KNTC1: variants seen among roughly 807,000 people sequenced by gnomAD.
KNTC1 encodes kinetochore-associated protein 1.
KNTC1 carries 253 observed loss-of-function variants against 314.4 expected under a neutral mutation model. The ratio of observed to expected loss-of-function variants is 0.80; its 90% CI spans 0.73 to 0.89. The LOEUF (loss-of-function observed/expected upper bound fraction) is 0.89, where lower values mean the gene tolerates loss of function less well. KNTC1 is among the 40% of genes least tolerant of loss of function. The pLI is 0.00. For missense variants in KNTC1, 2,475 were observed against 2,572.9 expected (o/e 0.96, Z 0.82); for synonymous variants, 901 against 901.4 (o/e 1.00, Z 0.01).
Position 122,621,966 on chromosome 12 carries a change from A to C in KNTC1, c.6365A>C (p.His2122Pro). Residue 2122 changes from histidine to proline, a missense_variant, in exon 61 of 64, where the codon CAT becomes CCT. Transcript: ENST00000333479. Reference protein sequence around the residue: ...MNTGQLAGFSHQIRSLILNNI... With the variant: ...MNTGQLAGFSPQIRSLILNNI... ...ACGGGCCAGCTAGCAGGATTTTCACATCAAGTAAGAGGCGATTTCATCTCC... is the reference window on the plus strand; with the variant it reads ...ACGGGCCAGCTAGCAGGATTTTCACCTCAAGTAAGAGGCGATTTCATCTCC... 1 of 1,599,870 alleles carries C rather than the reference A, an allele frequency of 6.3e-7. No homozygotes were observed. The highest frequency in any genetic ancestry group is 1.1e-5 in the South Asian group (1 of 88,820).
In KNTC1 at chr12:122,603,253, C is replaced by G. The variant is rs1872181458; in HGVS notation, c.5101+10C>G. 6.8e-7 allele frequency: 1 copy of G among 1,475,624 alleles called. No individual in the cohort carries two copies. Among genetic ancestry groups the G allele is most frequent in the Non-Finnish European group, 9.2e-7 (1 of 1,089,854 alleles). The allele number at this position is 1,475,624 out of a possible 1,614,324, so 91.4% of individuals were successfully genotyped here. A position where few individuals can be genotyped will look rare whatever the true frequency, so the allele number is the denominator to read the frequency against. Reference sequence around the variant, plus strand: ...CAGGATATCCCTGAAGGTATGAGCTCTTCTTTTAAAATTGTAGTTAAAAAA... The same window carrying G: ...CAGGATATCCCTGAAGGTATGAGCTGTTCTTTTAAAATTGTAGTTAAAAAA... On this transcript the variant is annotated intron_variant, in intron 48 of 63. Coordinates refer to ENST00000333479, the MANE Select transcript of KNTC1 (RefSeq NM_014708.6).
At chr12:122,591,481 G>A (rs561624464) in intron 42 of KNTC1, 28 bp downstream of exon 42, 3 of 1,119,576 alleles carry the variant, frequency 2.7e-6, no homozygotes, top group East Asian at 2.3e-5. Context: ...TGCTGTCATC[G>A]ATTCTGTTAA....
chr12:122,617,702 G>A (rs1873918745), intron 57 of KNTC1, among the ~76,000 whole-genome samples: 2 of 152,202 alleles, frequency 1.3e-5, no homozygotes, highest in South Asian at 4.1e-4. Context: ...GAAAGATACA[G>A]TTATGAAGAA....
At chr12:122,563,447 T>C (rs901205906) in intron 20 of KNTC1, among the ~76,000 whole-genome samples, 2 of 152,200 alleles carry the variant, frequency 1.3e-5, no homozygotes, top group Non-Finnish European at 2.9e-5. Context: ...ATACAAAACA[T>C]TGTTTATATT....
intron 59 of KNTC1, among the ~76,000 whole-genome samples, chr12:122,619,040 TTTTTGTTTTTTGTTTTTG>T (rs1367402119): frequency 2.7e-5 from 4 of 146,836 alleles, no homozygotes; most frequent in East Asian, 4.2e-4. Flanking sequence ...TGTTTTTTGT[TTTTTGTTTTTTGTTTTTG>T]TTTTGTTTTT....
rs1253180239 is a variant in KNTC1 at position 122,597,957 on chromosome 12, G to C, written c.4563+19G>C. ...ACATAAGGTAGACACACAGTGAAAT[G>C]AATCGGGTCATCTCAGCCATCCCTC... On this transcript the variant is annotated intron_variant, in intron 44 of 63. Transcript: ENST00000333479. 6 of 1,599,826 alleles carry C rather than the reference G, an allele frequency of 3.8e-6. No individual in the cohort carries two copies. Among genetic ancestry groups the C allele is most frequent in the Non-Finnish European group, 5.1e-6 (6 of 1,167,264 alleles).
At chr12:122,580,554 A>G in intron 32 of KNTC1, 49 bp from the exon 33 acceptor site, 1 of 1,132,358 alleles carries the variant, frequency 8.8e-7, no homozygotes, top group Non-Finnish European at 1.3e-6. Flanking sequence ...AAATTCTGAT[A>G]ATATGAGAAT....
Position 122,545,986 on chromosome 12 carries a change from C to T in KNTC1, c.670-190C>T, listed in dbSNP as rs576627909. ...AAAAAATTGTAATAACCATGAATTC[C>T]AATAGTACACTGTTTTTTTCATTCT... is the stretch of plus-strand genomic sequence containing the variant. On this transcript the variant is annotated intron_variant, in intron 8 of 63. Transcript: ENST00000333479. 2.0e-5 allele frequency among the ~76,000 whole-genome samples: 3 copies of T among 151,514 alleles called. No homozygotes were observed. The South Asian group carries it at 6.3e-4, about 32-fold the overall frequency.
At chr12:122,563,960 A>G (rs1183062991) in intron 20 of KNTC1, among the ~76,000 whole-genome samples, 1 of 152,188 alleles carries the variant, frequency 6.6e-6, no homozygotes, top group Admixed American at 6.5e-5. Flanking sequence ...ATCATTTGGA[A>G]AAACATTATG....
chr12:122,559,789 G>A (rs1963857928), intron 18 of KNTC1, among the ~76,000 whole-genome samples: 2 of 152,132 alleles, frequency 1.3e-5, no homozygotes, highest in Admixed American at 1.3e-4. Context: ...TGGTCAGGCT[G>A]GTCTTGAACT....
chr12:122,588,620 T>C, intron 39 of KNTC1, 92 bp from the exon 40 acceptor site: 3 of 941,236 alleles, frequency 3.2e-6, no homozygotes, highest in South Asian at 5.0e-5. Context: ...GATATAATGA[T>C]GAATTTTCAC....
intron 22 of KNTC1, among the ~76,000 whole-genome samples, chr12:122,570,243 G>A (rs920301910): frequency 2.1e-4 from 32 of 152,122 alleles, no homozygotes; most frequent in African/African-American, 7.2e-4. Flanking sequence ...ATGAGCCTGG[G>A]TGCAGTGACT....
At position 122,591,320 on chromosome 12, in the gene KNTC1, CTCTTT is replaced by C. The variant is rs778628476; in HGVS notation, c.4129-15_4129-11del. ...TTCTACTTACGATTGAACTTTAATTCTCTTTTAATTTTTTAGGCAATATCTCTGGT... is the reference window on the plus strand; with the variant it reads ...TTCTACTTACGATTGAACTTTAATTCTAATTTTTTAGGCAATATCTCTGGT... On this transcript the variant is annotated splice_polypyrimidine_tract_variant and intron_variant, in intron 41 of 63. Transcript: ENST00000333479. The C allele has an allele frequency of 3.8e-6, 5 of 1,315,068 alleles. No homozygotes were observed. Among genetic ancestry groups the C allele is most frequent in the East Asian group, 4.6e-5 (2 of 43,494 alleles). 81.5% of individuals were successfully genotyped at this position (1,315,068 alleles called of 1,614,324 possible). A position where few individuals can be genotyped will look rare whatever the true frequency, so the allele number is the denominator to read the frequency against.
chr12:122,622,700 G>T, intron 62 of KNTC1, 93 bp downstream of exon 62: 2 of 1,075,168 alleles, frequency 1.9e-6, no homozygotes, highest in Non-Finnish European at 2.6e-6. Context: ...TGTAATCCTA[G>T]CACTTTGGGA....
Position 122,575,633 on chromosome 12 carries a change from A to G in KNTC1, c.2473A>G (p.Met825Val). 6.3e-7 allele frequency: 1 copy of G among 1,590,856 alleles called. No homozygotes were observed. The highest frequency in any genetic ancestry group is 8.6e-7 in the Non-Finnish European group (1 of 1,167,480). Residue 825 changes from methionine (M) to valine (V), a missense_variant, in exon 28 of 64, where the codon ATG becomes GTG. By Grantham distance (21) the Met-to-Val change is conservative (BLOSUM62 1). Transcript: ENST00000333479. ...VEQLVKQHLE[M>V]DHPKVKLLQE... Reference sequence around the variant, plus strand: ...GCAACTGGTGAAACAGCACCTGGAAATGGACCATCCCAAGTAAGATGACTG... The same window carrying G: ...GCAACTGGTGAAACAGCACCTGGAAGTGGACCATCCCAAGTAAGATGACTG...
chr12:122,612,125 G>T (rs1873199906), intron 53 of KNTC1, among the ~76,000 whole-genome samples: 1 of 151,792 alleles, frequency 6.6e-6, no homozygotes. Flanking sequence ...GAGAGCAGTG[G>T]CACAATCTTG....
At chr12:122,579,740 T>C (rs1440553486) in intron 31 of KNTC1, among the ~76,000 whole-genome samples, 165 bp from the exon 32 acceptor site, 1 of 152,228 alleles carries the variant, frequency 6.6e-6, no homozygotes, top group Non-Finnish European at 1.5e-5. Flanking sequence ...CTGGAGTTTT[T>C]CAGGTCTACC....
Position 122,539,615 on chromosome 12 carries a change from A to G in KNTC1, c.367-61A>G, listed in dbSNP as rs370091775. 1.0e-3 allele frequency: 1,243 copies of G among 1,185,594 alleles called. 1 individual carries two copies. Among genetic ancestry groups the G allele is most frequent in the Non-Finnish European group, 1.4e-3 (1,201 of 834,786 alleles). 73.4% of individuals were successfully genotyped at this position (1,185,594 alleles called of 1,614,324 possible). On this transcript the variant is annotated intron_variant, in intron 4 of 63. Transcript: ENST00000333479. ...TTGATAACTCTAGAGTTTAAAGAAT[A>G]AAATCCTTGATTGTATTTTTCTATG...
chr12:122,575,409 T>G, intron 27 of KNTC1, 134 bp from the exon 28 acceptor site: 1 of 643,652 alleles, frequency 1.6e-6, no homozygotes, highest in Non-Finnish European at 2.8e-6. Context: ...AATAAATGGT[T>G]TTCCAGTGAG....
Sources: gnomAD v4.1 joint callset for allele counts (sites outside exome capture counted in the v4.1 genomes callset) on GRCh38, gnomAD v4.1.1 for gene constraint, MANE v1.5 for transcripts, NCBI Gene and HGNC (gene_info 2026-07-23, HGNC 2026-07-21) for gene names.